Variants in RHOA observed in about 807,000 individuals in gnomAD.
RHOA encodes the protein transforming protein RhoA.
Under a neutral mutation model 17.5 loss-of-function variants are expected in RHOA, and 3 were observed. The observed-to-expected ratio is 0.17, with a 90% CI of 0.08 to 0.44. The LOEUF (loss-of-function observed/expected upper bound fraction) is 0.44. Ranked by LOEUF, RHOA falls within the 20% of genes least tolerant of loss-of-function variation. The pLI, the probability that RHOA is intolerant of heterozygous loss-of-function variation, is 0.99. For synonymous variants in RHOA, 98 were observed against 88.4 expected (o/e 1.11, Z -0.61); for missense variants, 56 against 242.3 (o/e 0.23, Z 5.10).
At chr3:49,373,211 G>A in intron 2 of RHOA, 1 of 189,580 alleles carries the variant, frequency 5.3e-6, no homozygotes, top group Non-Finnish European at 1.2e-5. Context: ...GGGCTTGGTG[G>A]CAGGCACCTG....
intron 1 of RHOA, among the ~76,000 whole-genome samples, chr3:49,397,274 A>G (rs577947769): frequency 2.0e-5 from 3 of 152,270 alleles, no homozygotes; most frequent in Admixed American, 2.0e-4. Context: ...ATCTATAGAG[A>G]CACAAAGTAG....
At chr3:49,364,026 G>A (rs1358386259) in intron 3 of RHOA, among the ~76,000 whole-genome samples, 2 of 151,842 alleles carry the variant, frequency 1.3e-5, no homozygotes, top group Non-Finnish European at 2.9e-5. Flanking sequence ...ACTCCAGCCA[G>A]GGTGACAAAG....
intron 1 of RHOA, among the ~76,000 whole-genome samples, chr3:49,384,863 C>A (rs1318749067): frequency 6.6e-6 from 1 of 151,984 alleles, no homozygotes; most frequent in East Asian, 1.9e-4. Flanking sequence ...GAGTTCGAAA[C>A]CAGCAGCCTG....
chr3:49,379,097 G>C (rs2048277579), intron 1 of RHOA, among the ~76,000 whole-genome samples: 1 of 152,070 alleles, frequency 6.6e-6, no homozygotes, highest in African/African-American at 2.4e-5. Context: ...AATATTCATA[G>C]CAGGATTATT....
intron 1 of RHOA, among the ~76,000 whole-genome samples, chr3:49,383,691 G>C (rs1187448259): frequency 1.3e-5 from 2 of 152,046 alleles, no homozygotes; most frequent in Admixed American, 1.3e-4. Context: ...AGAATGTCCA[G>C]ACTCTGTCTC....
chr3:49,364,744 G>A (rs904949751), intron 3 of RHOA, among the ~76,000 whole-genome samples: 1 of 152,134 alleles, frequency 6.6e-6, no homozygotes, highest in African/African-American at 2.4e-5. Flanking sequence ...CACTTTGGGA[G>A]GCCGAGGCAG....
intron 1 of RHOA, among the ~76,000 whole-genome samples, chr3:49,411,503 C>G (rs566299401): frequency 6.6e-6 from 1 of 152,090 alleles, no homozygotes; most frequent in South Asian, 2.1e-4. Context: ...CCCGCCCTGC[C>G]CGGCGCCGCT....
At chr3:49,390,479 G>C (rs2048480705) in intron 1 of RHOA, among the ~76,000 whole-genome samples, 1 of 151,976 alleles carries the variant, frequency 6.6e-6, no homozygotes, top group South Asian at 2.1e-4. Flanking sequence ...GGCCAGACTA[G>C]TCTTGAACTC....
chr3:49,409,051 G>C (rs556486319), intron 1 of RHOA, among the ~76,000 whole-genome samples: 1 of 150,758 alleles, frequency 6.6e-6, no homozygotes, highest in Admixed American at 6.6e-5. Context: ...GCCTCCCAAA[G>C]TGCTGGGATT....
intron 1 of RHOA, among the ~76,000 whole-genome samples, chr3:49,400,082 C>T (rs1029173972): frequency 4.0e-5 from 6 of 151,548 alleles, no homozygotes; most frequent in Non-Finnish European, 8.8e-5. Context: ...CATGGTGGCA[C>T]GTGCTTGTAA....
At chr3:49,375,398 G>A (rs2107848871) in intron 2 of RHOA, 36 bp downstream of exon 2, 1 of 1,576,868 alleles carries the variant, frequency 6.3e-7, no homozygotes, top group Non-Finnish European at 8.6e-7. Flanking sequence ...TTCTAACATG[G>A]AAAATGGCAT....
chr3:49,361,081 CA>C (rs754857931), intron 4 of RHOA: 36 of 150,212 alleles, frequency 2.4e-4, no homozygotes, highest in African/African-American at 6.5e-4. Context: ...TCAAAAAAAA[CA>C]AAACAAAAAA....
intron 1 of RHOA, among the ~76,000 whole-genome samples, chr3:49,409,953 TA>T (rs951828195): frequency 2.0e-5 from 3 of 151,370 alleles, no homozygotes; most frequent in African/African-American, 4.9e-5. Context: ...GTTGGTCCCT[TA>T]AAAAAAAATC....
chr3:49,390,846 G>C (rs142291991), intron 1 of RHOA, among the ~76,000 whole-genome samples: 99 of 152,210 alleles, frequency 6.5e-4, no homozygotes, highest in Admixed American at 2.0e-3. Context: ...ATTCTGGGAA[G>C]CTGAGGCGGG....
intron 4 of RHOA, 118 bp downstream of exon 4, chr3:49,362,378 G>GACT: frequency 9.5e-7 from 1 of 1,052,492 alleles, no homozygotes; most frequent in East Asian, 2.6e-5. Flanking sequence ...GGCCACAGAG[G>GACT]GGCTTCTGAG....
chr3:49,408,203 C>A (rs914332456), intron 1 of RHOA, among the ~76,000 whole-genome samples: 6 of 148,098 alleles, frequency 4.1e-5, no homozygotes, highest in Non-Finnish European at 5.9e-5. Context: ...CACACACATA[C>A]ACACACGTAT....
intron 1 of RHOA, among the ~76,000 whole-genome samples, chr3:49,381,482 T>C (rs2048316152): frequency 2.0e-5 from 3 of 149,542 alleles, no homozygotes. Context: ...TGCTGAGGCA[T>C]GAGAATCACT....
chr3:49,391,902 C>T (rs1169166272), intron 1 of RHOA, among the ~76,000 whole-genome samples: 1 of 146,676 alleles, frequency 6.8e-6, no homozygotes, highest in Non-Finnish European at 1.5e-5. Flanking sequence ...GATCTCAGCT[C>T]ACTACAATCC....
At chr3:49,365,854 G>T (rs150168772) in intron 3 of RHOA, among the ~76,000 whole-genome samples, 3,136 of 152,134 alleles carry the variant, frequency 0.021, 54 homozygotes, top group Non-Finnish European at 0.026. Context: ...GCCTCCCGAA[G>T]TGCTGGGATT....
Sources: allele counts gnomAD v4.1 joint callset (sites outside exome capture counted in the v4.1 genomes callset), GRCh38; gene constraint gnomAD v4.1.1; transcripts MANE v1.5; gene names NCBI Gene and HGNC (gene_info 2026-07-23, HGNC 2026-07-21).